FOSL1: variants seen among roughly 807,000 people sequenced by gnomAD.
FOSL1 encodes the protein FOS like 1, AP-1 transcription factor subunit.
A neutral mutation model predicts 24.9 loss-of-function variants in FOSL1; 14 were observed. The observed-to-expected ratio is 0.56, with a 90% CI of 0.37 to 0.88. The LOEUF is 0.88. Among genes scored for constraint, FOSL1 ranks in the 40% least tolerant of loss-of-function variants. FOSL1 has a pLI of 0.00. For missense variants in FOSL1, 318 were observed against 359.8 expected (o/e 0.88, Z 0.94); for synonymous variants, 133 against 145.1 (o/e 0.92, Z 0.60).
At chr11:65,898,043 C>CCGCTTTTTTTTTTTTTTT (rs1416098633) in intron 1 of FOSL1, among the ~76,000 whole-genome samples, 1 of 79,672 alleles carries the variant, frequency 1.3e-5, no homozygotes, top group Non-Finnish European at 2.2e-5. Context: ...TTTTTCTTTT[C>CCGCTTTTTTTTTTTTTTT]TGTTTTTTTT....
intron 1 of FOSL1, among the ~76,000 whole-genome samples, chr11:65,899,752 G>C (rs1177130152): frequency 6.6e-6 from 1 of 152,186 alleles, no homozygotes. Flanking sequence ...GGACGGACAC[G>C]CGGAGGGTCG....
chr11:65,894,361 C>A (rs973636323), intron 2 of FOSL1, among the ~76,000 whole-genome samples: 4 of 152,192 alleles, frequency 2.6e-5, no homozygotes, highest in African/African-American at 9.7e-5. Flanking sequence ...TGCCCTCCCC[C>A]TCCGCAAACC....
At chr11:65,894,714 T>G (rs1385462362) in intron 2 of FOSL1, among the ~76,000 whole-genome samples, 1 of 152,182 alleles carries the variant, frequency 6.6e-6, no homozygotes, top group Non-Finnish European at 1.5e-5. Context: ...TGGAGTGCAT[T>G]GGCCCAATCT....
At chr11:65,896,739 G>C (rs1041718331) in intron 2 of FOSL1, 70 bp downstream of exon 2, 3 of 1,298,164 alleles carry the variant, frequency 2.3e-6, no homozygotes, top group Admixed American at 2.2e-5. Flanking sequence ...TCTCCTTTCT[G>C]GCAGGAGCTT....
At chr11:65,894,197 G>A in intron 2 of FOSL1, 76 bp from the exon 3 acceptor site, 1 of 1,076,538 alleles carries the variant, frequency 9.3e-7, no homozygotes, top group Non-Finnish European at 1.4e-6. Context: ...GTGGCCCAGT[G>A]GTAGGACCCT....
intron 3 of FOSL1, 99 bp from the exon 4 acceptor site, chr11:65,893,395 G>C (rs1294512636): frequency 2.3e-6 from 2 of 881,046 alleles, no homozygotes; most frequent in Admixed American, 5.4e-5. Context: ...GGTTGGGCGG[G>C]GGGAGAGGGG....
chr11:65,896,843 G>A lies in FOSL1; in HGVS notation c.263C>T (p.Pro88Leu), dbSNP rs374811980. The A allele has an allele frequency of 5.6e-6, 9 of 1,611,814 alleles. No individual in the cohort carries two copies. Among genetic ancestry groups the A allele is most frequent in the East Asian group, 2.2e-5 (1 of 44,816 alleles). Residue 88 changes from proline (P) to leucine (L), a missense_variant, in exon 2 of 4, where the codon CCG (proline) becomes CTG (leucine). Coordinates refer to ENST00000312562, the MANE Select transcript of FOSL1 (RefSeq NM_005438.5). ...PRPGVIRALG[P>L]PPGVRRRPCE... is the part of the protein sequence containing the mutation. ...AGGCCTTCGACGTACCCCTGGAGGC[G>A]GCCCCAGGGCCCGGATGACTCCTGG...
intron 2 of FOSL1, among the ~76,000 whole-genome samples, chr11:65,896,129 G>A (rs1349242181): frequency 6.6e-6 from 1 of 152,132 alleles, no homozygotes; most frequent in African/African-American, 2.4e-5. Flanking sequence ...GTCTCTCAAA[G>A]TGCTGGGATT....
chr11:65,900,303 C>G lies in FOSL1; in HGVS notation c.37G>C (p.Gly13Arg). The G allele has an allele frequency of 8.0e-7, 1 of 1,244,760 alleles. No individual in the cohort carries two copies. Among genetic ancestry groups the G allele is most frequent in the Non-Finnish European group, 1.0e-6 (1 of 994,540 alleles). The allele number at this position is 1,244,760 out of a possible 1,614,324, so 77.1% of individuals were successfully genotyped here. ...RDFGEPGPSS[G>R]NGGGYGGPAQ... ...GGGCCGCCGTACCCGCCGCCGTTCC[C>G]GGAGCTCGGGCCGGGTTCCCCGAAG... The change falls in exon 1 of 4, where the codon GGG becomes CGG. Residue 13 changes from glycine to arginine, a missense_variant. Coordinates refer to ENST00000312562, the MANE Select transcript of FOSL1 (RefSeq NM_005438.5).
chr11:65,893,285 T>C lies in FOSL1; in HGVS notation c.417A>G (p.Lys139=). ...LTDFLQAETD[K]LEDEKSGLQR... is the part of the protein sequence containing the mutation. Reference sequence around the variant, plus strand: ...GCAGCCCAGATTTCTCATCTTCCAGTTTGTCAGTCTCCTGTAGAAGATCAG... The same window carrying C: ...GCAGCCCAGATTTCTCATCTTCCAGCTTGTCAGTCTCCTGTAGAAGATCAG... Residue 139 remains lysine (K), a synonymous_variant, in exon 4 of 4, where the codon AAA becomes AAG. Coordinates refer to ENST00000312562, the MANE Select transcript of FOSL1 (RefSeq NM_005438.5). 1 of 1,608,628 alleles carries C rather than the reference T, an allele frequency of 6.2e-7. No homozygotes were observed. The highest frequency in any genetic ancestry group is 8.5e-7 in the Non-Finnish European group (1 of 1,177,264).
intron 1 of FOSL1, among the ~76,000 whole-genome samples, chr11:65,897,812 G>GT (rs1860565394): frequency 6.6e-6 from 1 of 152,012 alleles, no homozygotes; most frequent in Admixed American, 6.6e-5. Context: ...CGACAGTCTG[G>GT]TAAGTGGCAG....
intron 2 of FOSL1, among the ~76,000 whole-genome samples, chr11:65,894,895 G>T (rs1253022605): frequency 6.6e-6 from 1 of 151,868 alleles, no homozygotes; most frequent in Non-Finnish European, 1.5e-5. Context: ...AACCTCAGGT[G>T]ATCCACCCTC....
Position 65,892,750 on chromosome 11 carries a change from G to C in FOSL1, c.*136C>G, listed in dbSNP as rs1860418369. 1 of 850,798 alleles carries C rather than the reference G, an allele frequency of 1.2e-6. No homozygotes were observed. Among genetic ancestry groups the C allele is most frequent in the African/African-American group, 1.6e-5 (1 of 61,080 alleles). The allele number at this position is 850,798 out of a possible 1,614,324, so 52.7% of individuals were successfully genotyped here. ...TGGCTCTACTGTGAAGCACAATATGGTCAGTCTCATTAGAGGGATGGAGAA... is the reference window on the plus strand; with the variant it reads ...TGGCTCTACTGTGAAGCACAATATGCTCAGTCTCATTAGAGGGATGGAGAA... On this transcript the variant is annotated 3_prime_UTR_variant, in exon 4 of 4. Transcript: ENST00000312562.
chr11:65,893,876 T>C (rs1860457194), intron 3 of FOSL1, 138 bp downstream of exon 3: 1 of 687,296 alleles, frequency 1.5e-6, no homozygotes, highest in African/African-American at 1.8e-5. Context: ...TAATCAATTT[T>C]TCCTCATCAT....
At chr11:65,894,147 G>T in intron 2 of FOSL1, 26 bp from the exon 3 acceptor site, 1 of 1,549,760 alleles carries the variant, frequency 6.5e-7, no homozygotes, top group African/African-American at 1.4e-5. Flanking sequence ...GCAGTGAGGA[G>T]GACCCTGGGC....
At position 65,894,085 on chromosome 11, in the gene FOSL1, G is replaced by A. The variant is rs773068029; in HGVS notation, c.334C>T (p.Arg112Cys). 1.4e-5 allele frequency: 22 copies of A among 1,609,976 alleles called. No homozygotes were observed. Among genetic ancestry groups the A allele is most frequent in the South Asian group, 2.2e-5 (2 of 90,638 alleles). ...GCCGCAGCCAGCTTGTTCCGCTCGC[G>A]CCTTACTCGGCGGCGCTCCTCTTCC... The part of the protein sequence containing the change: ...PEEEERRRVR[R>C]ERNKLAAAKC... The change falls in exon 3 of 4, where the codon CGC becomes TGC. Residue 112 changes from arginine to cysteine, a missense_variant. Physicochemically the swap from Arg to Cys is radical, Grantham distance 180. Coordinates refer to ENST00000312562, the MANE Select transcript of FOSL1 (RefSeq NM_005438.5).
Position 65,896,963 on chromosome 11 carries a change from T to A in FOSL1, c.143A>T (p.Gln48Leu). 6.2e-7 allele frequency: 1 copy of A among 1,614,162 alleles called. No individual in the cohort carries two copies. Among genetic ancestry groups the A allele is most frequent in the African/African-American group, 1.3e-5 (1 of 75,044 alleles). ...AGGCTGTACCATCCACTGCAGCTCC[T>A]GACTGCCACTCATGGTGTTGATGCT... ...VPSINTMSGS[Q>L]ELQWMVQPHF... The change falls in exon 2 of 4, where the codon CAG (glutamine) becomes CTG (leucine). Residue 48 changes from glutamine (Q) to leucine (L), a missense_variant. Transcript: ENST00000312562.
intron 2 of FOSL1, among the ~76,000 whole-genome samples, chr11:65,894,956 C>A (rs1406662004): frequency 7.2e-6 from 1 of 139,166 alleles, no homozygotes; most frequent in Non-Finnish European, 1.6e-5. Flanking sequence ...TGTGCTCGGC[C>A]TTTTTTTTTC....
At chr11:65,897,333 T>C (rs1860553041) in intron 1 of FOSL1, among the ~76,000 whole-genome samples, 2 of 147,340 alleles carry the variant, frequency 1.4e-5, no homozygotes, top group Admixed American at 7.2e-5. Context: ...TTTTCTTTTC[T>C]TTCTTTTTTT....
Sources: gnomAD v4.1 joint callset for allele counts (sites outside exome capture counted in the v4.1 genomes callset) on GRCh38, gnomAD v4.1.1 for gene constraint, MANE v1.5 for transcripts, NCBI Gene and HGNC (gene_info 2026-07-23, HGNC 2026-07-21) for gene names.